TBC1D12: variants seen among roughly 807,000 people sequenced by gnomAD.
TBC1D12 encodes the protein TBC1 domain family, member 12.
Under a neutral mutation model 86.7 loss-of-function variants are expected in TBC1D12, and 56 were observed. That is an observed-to-expected ratio of 0.65 (90% confidence interval 0.52 to 0.81). The LOEUF (loss-of-function observed/expected upper bound fraction) is 0.81, where lower values mean the gene tolerates loss of function less well. Among genes scored for constraint, TBC1D12 ranks in the 30% least tolerant of loss-of-function variants. TBC1D12 has a pLI of 0.00. For synonymous variants in TBC1D12, 421 were observed against 411.7 expected (o/e 1.02, Z -0.27); for missense variants, 1,023 against 1,038.8 (o/e 0.98, Z 0.21).
rs1312044205 is a variant in TBC1D12 at position 94,402,956 on chromosome 10, T to C, written c.343T>C (p.Ser115Pro). 8.9e-6 allele frequency: 14 copies of C among 1,571,404 alleles called. No individual in the cohort carries two copies. In the East Asian group the frequency reaches 3.0e-4, roughly 33 times the overall value. ...RSDACLLGSG[S>P]KHRGAEVADG... ...GGACGCCTGCCTGCTGGGCTCGGGC[T>C]CCAAACACCGCGGCGCGGAGGTGGC... The change falls in exon 1 of 13, where the codon TCC (serine) becomes CCC (proline). Residue 115 changes from serine to proline, a missense_variant. Physicochemically the swap from Ser to Pro is moderately conservative, Grantham distance 74. This residue lies in a region of TBC1D12 where 628 missense variants were observed against 531.1 expected (regional missense o/e 1.18). Transcript: ENST00000225235.
intron 3 of TBC1D12, among the ~76,000 whole-genome samples, chr10:94,484,824 C>T (rs2056135990): frequency 6.6e-6 from 1 of 151,974 alleles, no homozygotes; most frequent in Non-Finnish European, 1.5e-5. Context: ...AGACCTTTTA[C>T]TTCTTTGGTT....
intron 2 of TBC1D12, among the ~76,000 whole-genome samples, chr10:94,457,071 G>A (rs868222729): frequency 6.6e-6 from 1 of 152,188 alleles, no homozygotes; most frequent in African/African-American, 2.4e-5. Flanking sequence ...TTAAAGTGGG[G>A]TTTTTAAAAT....
chr10:94,524,450 G>A (rs1427993550), intron 11 of TBC1D12, among the ~76,000 whole-genome samples: 5 of 152,130 alleles, frequency 3.3e-5, no homozygotes, highest in African/African-American at 4.8e-5. Context: ...CATAAGATAT[G>A]TACTGTAAAC....
rs114918654 is a variant in TBC1D12, at chr10:94,507,648, G to A, written c.1600+301G>A. The stretch of plus-strand genomic sequence containing the variant: ...CATTTTTATGAAGCATTGAAATTAT[G>A]AGAATTAAAATTATAAGTATTCACT... On this transcript the variant is annotated intron_variant, in intron 7 of 12. Transcript: ENST00000225235. Among the ~76,000 whole-genome samples the A allele has an allele frequency of 4.8e-3, 730 of 152,188 alleles. 6 individuals carry two copies. The highest frequency in any genetic ancestry group is 0.017 in the African/African-American group (700 of 41,532).
At chr10:94,426,315 T>C (rs1452479324) in intron 1 of TBC1D12, among the ~76,000 whole-genome samples, 2 of 151,240 alleles carry the variant, frequency 1.3e-5, no homozygotes, top group Non-Finnish European at 3.0e-5. Context: ...ATTTTTTATC[T>C]TTATGTTTTG....
intron 3 of TBC1D12, among the ~76,000 whole-genome samples, chr10:94,481,340 GT>G (rs939773608): frequency 6.6e-6 from 1 of 151,352 alleles, no homozygotes; most frequent in African/African-American, 2.4e-5. Context: ...GTAGAAGGCT[GT>G]TTTGTCTACA....
intron 3 of TBC1D12, among the ~76,000 whole-genome samples, chr10:94,492,623 A>G (rs1158479290): frequency 6.6e-6 from 1 of 152,238 alleles, no homozygotes; most frequent in Non-Finnish European, 1.5e-5. Flanking sequence ...TGTGCTGAGC[A>G]AAAGAAGCCA....
chr10:94,523,346 A>G (rs1469246317), intron 11 of TBC1D12, among the ~76,000 whole-genome samples: 1 of 152,046 alleles, frequency 6.6e-6, no homozygotes, highest in East Asian at 1.9e-4. Flanking sequence ...ATCTCATTCA[A>G]TGCCTAGCAC....
intron 4 of TBC1D12, among the ~76,000 whole-genome samples, chr10:94,495,156 G>A (rs940497054): frequency 3.3e-5 from 5 of 151,940 alleles, no homozygotes; most frequent in East Asian, 1.9e-4. Flanking sequence ...CCAGAGTGGC[G>A]GGGATTATAG....
intron 1 of TBC1D12, among the ~76,000 whole-genome samples, chr10:94,440,776 A>G (rs538854118): frequency 1.4e-4 from 22 of 152,128 alleles, no homozygotes; most frequent in Admixed American, 5.9e-4. Flanking sequence ...TGTTGTTTTG[A>G]TGGGTACATA....
chr10:94,429,938 G>T (rs964355234), intron 1 of TBC1D12, among the ~76,000 whole-genome samples: 2 of 152,124 alleles, frequency 1.3e-5, no homozygotes, highest in South Asian at 4.1e-4. Context: ...GTTTTGCCAT[G>T]TTGCCCAGGC....
chr10:94,406,225 T>G (rs186011909), intron 1 of TBC1D12, among the ~76,000 whole-genome samples: 114 of 152,346 alleles, frequency 7.5e-4, no homozygotes, highest in Middle Eastern at 3.4e-3. Context: ...TTTGTAAATT[T>G]TTTTTACTTA....
intron 6 of TBC1D12, among the ~76,000 whole-genome samples, chr10:94,503,113 C>A (rs1429086476): frequency 6.6e-6 from 1 of 152,160 alleles, no homozygotes; most frequent in Non-Finnish European, 1.5e-5. Context: ...TTAGTACATA[C>A]AAGTCTGTCT....
Position 94,531,315 on chromosome 10 carries a change from G to T in TBC1D12, c.2114G>T (p.Arg705Leu). 1 of 1,614,064 alleles carries T rather than the reference G, an allele frequency of 6.2e-7. No homozygotes were observed. Among genetic ancestry groups the T allele is most frequent in the Non-Finnish European group, 8.5e-7 (1 of 1,180,012 alleles). The change falls in exon 12 of 13, where the codon CGA (arginine) becomes CTA (leucine). Residue 705 changes from arginine to leucine, a missense_variant. Arg to Leu is a moderately radical substitution (Grantham distance 102, BLOSUM62 -2). This residue lies in a region of TBC1D12 where 395 missense variants were observed against 507.7 expected (regional missense o/e 0.78). Coordinates refer to ENST00000225235, the MANE Select transcript of TBC1D12 (RefSeq NM_015188.2). The part of the protein sequence containing the change: ...FLFRTGLGIL[R>L]LYEDILLQMD... ...TTTAGGACTGGATTAGGAATCCTCCGATTATATGAAGATATTCTCCTGCAG... is the reference window on the plus strand; with the variant it reads ...TTTAGGACTGGATTAGGAATCCTCCTATTATATGAAGATATTCTCCTGCAG...
chr10:94,468,194 A>G (rs932000968), intron 2 of TBC1D12, among the ~76,000 whole-genome samples: 10 of 152,198 alleles, frequency 6.6e-5, no homozygotes, highest in African/African-American at 2.4e-4. Flanking sequence ...ATTTACCAGT[A>G]TATTTCTGTA....
chr10:94,511,375 G>A (rs1052385550), intron 8 of TBC1D12, among the ~76,000 whole-genome samples: 1 of 151,956 alleles, frequency 6.6e-6, no homozygotes, highest in East Asian at 1.9e-4. Flanking sequence ...TGGGATTATA[G>A]GCATGAGCCA....
At chr10:94,530,500 T>C (rs1842394836) in intron 11 of TBC1D12, among the ~76,000 whole-genome samples, 1 of 152,240 alleles carries the variant, frequency 6.6e-6, no homozygotes, top group Non-Finnish European at 1.5e-5. Context: ...ACAATAATAA[T>C]AATTTTTATT....
chr10:94,437,332 CTTT>C (rs767605698), intron 1 of TBC1D12, among the ~76,000 whole-genome samples: 1 of 145,576 alleles, frequency 6.9e-6, no homozygotes. Flanking sequence ...TGGTTATTTT[CTTT>C]TTTTTTTTGA....
At chr10:94,461,088 A>T (rs1372969381) in intron 2 of TBC1D12, among the ~76,000 whole-genome samples, 1 of 152,022 alleles carries the variant, frequency 6.6e-6, no homozygotes, top group African/African-American at 2.4e-5. Context: ...TGCTTGTTTA[A>T]TCTCTTTAGA....
Sources: allele counts gnomAD v4.1 joint callset (sites outside exome capture counted in the v4.1 genomes callset), GRCh38; gene constraint gnomAD v4.1.1; regional missense constraint gnomAD v4.1.1; transcripts MANE v1.5; gene names NCBI Gene and HGNC (gene_info 2026-07-23, HGNC 2026-07-21).